The following PRKCA variants were observed in gnomAD, a reference collection of about 807,000 sequenced individuals.
The protein encoded by PRKCA is protein kinase C alpha, also known as protein kinase C alpha type.
In PRKCA, 27 loss-of-function variants were observed where a neutral mutation model predicts 87.0. The observed-to-expected ratio is 0.31, with a 90% CI of 0.23 to 0.43. PRKCA has a LOEUF of 0.43. PRKCA is among the 20% of genes least tolerant of loss of function. PRKCA has a pLI of 1.00. For missense variants in PRKCA, 518 were observed against 852.3 expected (o/e 0.61, Z 4.88); for synonymous variants, 329 against 311.1 (o/e 1.06, Z -0.61).
intron 11 of PRKCA, among the ~76,000 whole-genome samples, chr17:66,740,366 C>A (rs544931511): frequency 1.9e-4 from 29 of 152,166 alleles, no homozygotes; most frequent in African/African-American, 6.3e-4. Context: ...GTGGAGCAAG[C>A]CTAAACAAAG....
chr17:66,668,091 T>G (rs1316013522), intron 5 of PRKCA, among the ~76,000 whole-genome samples: 1 of 152,182 alleles, frequency 6.6e-6, no homozygotes, highest in Admixed American at 6.5e-5. Context: ...CCTGCACACC[T>G]GAAAGAAAGC....
At chr17:66,502,555 C>T (rs1916783636) in intron 3 of PRKCA, among the ~76,000 whole-genome samples, 1 of 151,736 alleles carries the variant, frequency 6.6e-6, no homozygotes, top group Admixed American at 6.6e-5. Flanking sequence ...TTCATTTTCT[C>T]TGTGTGTCTT....
intron 2 of PRKCA, among the ~76,000 whole-genome samples, chr17:66,397,296 T>TA (rs1555598086): frequency 6.7e-6 from 1 of 149,190 alleles, no homozygotes; most frequent in Non-Finnish European, 1.5e-5. Context: ...TTTTTTTTTT[T>TA]AGGGCTTTTG....
chr17:66,723,919 C>T (rs887088097), intron 8 of PRKCA, among the ~76,000 whole-genome samples: 1 of 152,076 alleles, frequency 6.6e-6, no homozygotes, highest in Non-Finnish European at 1.5e-5. Context: ...TCCAGAGTTG[C>T]CCACTGGTTT....
chr17:66,531,450 A>G (rs1378342764), intron 3 of PRKCA, among the ~76,000 whole-genome samples: 1 of 152,134 alleles, frequency 6.6e-6, no homozygotes, highest in Non-Finnish European at 1.5e-5. Flanking sequence ...GAACTCCCCC[A>G]TTGACCCTAA....
At position 66,437,720 on chromosome 17, in the gene PRKCA, C is replaced by CTTTT. The variant is rs567333890; in HGVS notation, c.206-58473_206-58470dup. ...CAACTGGGTAGTTGTTTCAAGTTTC[C>CTTTT]TTTTTTTTTTTGAGCGGGGGGTGGG... On this transcript the variant is annotated intron_variant, in intron 2 of 16. Coordinates refer to ENST00000413366, the MANE Select transcript of PRKCA (RefSeq NM_002737.3). Among the ~76,000 whole-genome samples the CTTTT allele has an allele frequency of 9.1e-5, 3 of 32,818 alleles. 1 individual carries two copies. The highest frequency in any genetic ancestry group is 1.5e-4 in the Non-Finnish European group (3 of 20,230). 21.5% of individuals were successfully genotyped at this position (32,818 alleles called of 152,430 possible).
intron 3 of PRKCA, among the ~76,000 whole-genome samples, chr17:66,587,676 CGT>C (rs1969641090): frequency 1.4e-5 from 2 of 144,732 alleles, no homozygotes; most frequent in Non-Finnish European, 3.0e-5. Flanking sequence ...TACATATATA[CGT>C]ATATGTGTGT....
At chr17:66,736,027 T>C (rs116440911) in intron 10 of PRKCA, among the ~76,000 whole-genome samples, 69 of 149,984 alleles carry the variant, frequency 4.6e-4, no homozygotes, top group African/African-American at 1.7e-3. Flanking sequence ...ACCACAGATG[T>C]ACCCCACCAC....
rs1976023211 is a variant in PRKCA, at chr17:66,805,946, C to T, written c.*1909C>T. 1 of 152,236 alleles carries T rather than the reference C, an allele frequency of 6.6e-6. No homozygotes were observed. Among genetic ancestry groups the T allele is most frequent in the African/African-American group, 2.4e-5 (1 of 41,446 alleles). The allele number at this position is 152,236 out of a possible 1,614,324, so 9.4% of individuals were successfully genotyped here. On this transcript the variant is annotated 3_prime_UTR_variant, in exon 17 of 17. Coordinates refer to ENST00000413366, the MANE Select transcript of PRKCA (RefSeq NM_002737.3). ...CCTCTGCAACGACCTGTCGTTTGCT[C>T]CAGCATGCACAAACTTCGTGAGACC...
intron 2 of PRKCA, among the ~76,000 whole-genome samples, chr17:66,396,553 C>T (rs1301543471): frequency 3.3e-5 from 5 of 149,326 alleles, no homozygotes; most frequent in South Asian, 2.1e-4. Context: ...TTCACATTTT[C>T]TTATTTTTTC....
At chr17:66,669,531 C>A (rs1446636066) in intron 5 of PRKCA, among the ~76,000 whole-genome samples, 1 of 152,042 alleles carries the variant, frequency 6.6e-6, no homozygotes, top group South Asian at 2.1e-4. Context: ...TATGATAGGA[C>A]CAAATTTATG....
At chr17:66,621,339 T>G (rs1201412184) in intron 3 of PRKCA, among the ~76,000 whole-genome samples, 1 of 152,244 alleles carries the variant, frequency 6.6e-6, no homozygotes, top group Non-Finnish European at 1.5e-5. Context: ...AAAATCATGA[T>G]TTTATCCATT....
At chr17:66,685,514 C>A (rs1972602332) in intron 5 of PRKCA, among the ~76,000 whole-genome samples, 1 of 152,150 alleles carries the variant, frequency 6.6e-6, no homozygotes, top group South Asian at 2.1e-4. Context: ...GCTAGCAGAC[C>A]TGAGCTAGCC....
At chr17:66,625,050 A>G (rs1183483356) in intron 3 of PRKCA, among the ~76,000 whole-genome samples, 1 of 152,162 alleles carries the variant, frequency 6.6e-6, no homozygotes, top group Non-Finnish European at 1.5e-5. Flanking sequence ...CAAACCCTTC[A>G]TCTTTCTATA....
At chr17:66,614,267 A>C (rs1970458339) in intron 3 of PRKCA, among the ~76,000 whole-genome samples, 1 of 152,172 alleles carries the variant, frequency 6.6e-6, no homozygotes, top group Non-Finnish European at 1.5e-5. Context: ...ATTTTCATGT[A>C]TGCTACCTAT....
intron 2 of PRKCA, among the ~76,000 whole-genome samples, chr17:66,400,857 A>G (rs1041381929): frequency 2.6e-5 from 4 of 152,226 alleles, no homozygotes; most frequent in Non-Finnish European, 5.9e-5. Context: ...CTTCATGGTT[A>G]TAAACGAATA....
At chr17:66,686,914 C>T (rs542232364) in intron 5 of PRKCA, among the ~76,000 whole-genome samples, 197 bp from the exon 6 acceptor site, 7 of 152,182 alleles carry the variant, frequency 4.6e-5, no homozygotes, top group Non-Finnish European at 1.0e-4. Context: ...AGGGCCCACA[C>T]GATGCCCATT....
intron 2 of PRKCA, among the ~76,000 whole-genome samples, chr17:66,355,641 A>C (rs1031534410): frequency 6.6e-6 from 1 of 152,186 alleles, no homozygotes; most frequent in African/African-American, 2.4e-5. Flanking sequence ...GCCCTAAGCA[A>C]GTAATCTTGA....
intron 2 of PRKCA, among the ~76,000 whole-genome samples, chr17:66,370,534 T>C (rs1327331064): frequency 2.0e-5 from 3 of 150,702 alleles, no homozygotes; most frequent in South Asian, 2.1e-4. Flanking sequence ...GATACTATTT[T>C]TTTTCTTTTC....
Sources: gnomAD v4.1 joint callset for allele counts (sites outside exome capture counted in the v4.1 genomes callset) on GRCh38, gnomAD v4.1.1 for gene constraint, MANE v1.5 for transcripts, NCBI Gene and HGNC (gene_info 2026-07-23, HGNC 2026-07-21) for gene names.